HCN1: variants seen among roughly 807,000 people sequenced by gnomAD.
HCN1 encodes potassium/sodium hyperpolarization-activated cyclic nucleotide-gated channel 1.
Under a neutral mutation model 78.9 loss-of-function variants are expected in HCN1, and 13 were observed. That is an observed-to-expected ratio of 0.16 (90% CI 0.11 to 0.26). The LOEUF is 0.26. Ranked by LOEUF, HCN1 falls within the 10% of genes least tolerant of loss-of-function variation. HCN1 has a pLI of 1.00. For missense variants in HCN1, 810 were observed against 1,154.3 expected, an observed-to-expected ratio of 0.70 and a Z score of 4.32; for synonymous variants, 552 against 455.5, an observed-to-expected ratio of 1.21 and a Z score of -2.70.
chr5:45,489,086 G>A (rs544236844), intron 2 of HCN1, among the ~76,000 whole-genome samples: 11 of 152,276 alleles, frequency 7.2e-5, no homozygotes, highest in African/African-American at 1.7e-4. Context: ...GCAGGGAATC[G>A]TTAACTTGGA....
chr5:45,442,637 C>T (rs1347050734), intron 3 of HCN1, among the ~76,000 whole-genome samples: 3 of 151,798 alleles, frequency 2.0e-5, no homozygotes, highest in Admixed American at 2.0e-4. Context: ...CAATAAAAAA[C>T]ATCTGAATAT....
chr5:45,631,411 T>C (rs1229186454), intron 2 of HCN1, among the ~76,000 whole-genome samples: 2 of 152,130 alleles, frequency 1.3e-5, no homozygotes, highest in East Asian at 1.9e-4. Context: ...GTGGTCATGA[T>C]GGAGCTGCTT....
At position 45,353,106 on chromosome 5, in the gene HCN1, C is replaced by G. The variant is rs561869170; in HGVS notation, c.1371G>C (p.Leu457=). The change falls in exon 5 of 8, where the codon CTG becomes CTC. Residue 457 remains leucine, a synonymous_variant. Coordinates refer to ENST00000303230, the MANE Select transcript of HCN1 (RefSeq NM_021072.4). ...TGAGGACAATAAATCTTACCTCTCTCAGAGGATCATTGAGTTCATTGAGAA... is the reference window on the plus strand; with the variant it reads ...TGAGGACAATAAATCTTACCTCTCTGAGAGGATCATTGAGTTCATTGAGAA... The part of the protein sequence containing the change: ...ENILNELNDP[L]REEIVNFNCR... 1 of 1,610,278 alleles carries G rather than the reference C, an allele frequency of 6.2e-7. No homozygotes were observed. Among genetic ancestry groups the G allele is most frequent in the South Asian group, 1.1e-5 (1 of 90,982 alleles).
intron 2 of HCN1, among the ~76,000 whole-genome samples, chr5:45,636,929 T>C (rs901135352): frequency 2.0e-5 from 3 of 152,198 alleles, no homozygotes; most frequent in Non-Finnish European, 4.4e-5. Context: ...CAAACTCATT[T>C]TGAGATTTTT....
At chr5:45,497,349 A>G (rs989034033) in intron 2 of HCN1, among the ~76,000 whole-genome samples, 1 of 152,156 alleles carries the variant, frequency 6.6e-6, no homozygotes, top group Non-Finnish European at 1.5e-5. Context: ...GATTCTTTGC[A>G]GGTCACTCAG....
chr5:45,661,305 G>C (rs1375117265), intron 1 of HCN1, among the ~76,000 whole-genome samples: 1 of 136,940 alleles, frequency 7.3e-6, no homozygotes, highest in East Asian at 2.3e-4. Context: ...ATTCAAAGCA[G>C]TGTGTAGAGG....
chr5:45,437,448 G>A (rs931309260), intron 3 of HCN1, among the ~76,000 whole-genome samples: 8 of 152,020 alleles, frequency 5.3e-5, no homozygotes, highest in African/African-American at 1.2e-4. Flanking sequence ...CCAAATAACC[G>A]CTAATTATAA....
intron 2 of HCN1, among the ~76,000 whole-genome samples, chr5:45,496,895 A>T (rs576951670): frequency 6.6e-6 from 1 of 152,162 alleles, no homozygotes; most frequent in Non-Finnish European, 1.5e-5. Context: ...AGATTCTGGT[A>T]TACTCTGTCT....
chr5:45,319,177 A>C (rs904864536), intron 5 of HCN1, among the ~76,000 whole-genome samples: 2 of 151,996 alleles, frequency 1.3e-5, no homozygotes, highest in African/African-American at 4.8e-5. Flanking sequence ...ACATTCTTGA[A>C]GCATCTTATG....
intron 6 of HCN1, among the ~76,000 whole-genome samples, chr5:45,277,982 G>C (rs137974767): frequency 1.3e-3 from 193 of 152,254 alleles, no homozygotes; most frequent in African/African-American, 4.6e-3. Flanking sequence ...TTGCCATAAA[G>C]TCTGCCTCTA....
chr5:45,349,879 T>A (rs535030469), intron 5 of HCN1, among the ~76,000 whole-genome samples: 1 of 152,218 alleles, frequency 6.6e-6, no homozygotes, highest in East Asian at 1.9e-4. Flanking sequence ...GTGGCAATAA[T>A]CAATAGCTTA....
chr5:45,334,015 A>T lies in HCN1; in HGVS notation c.1377+19085T>A, dbSNP rs148949928. On this transcript the variant is annotated intron_variant, in intron 5 of 7. Coordinates refer to ENST00000303230, the MANE Select transcript of HCN1 (RefSeq NM_021072.4). ...TCAGGGCTTCTTGAGTTCGGTTTCCAATTATCTTCATAATTTTAGTTTGAG... is the reference window on the plus strand; with the variant it reads ...TCAGGGCTTCTTGAGTTCGGTTTCCTATTATCTTCATAATTTTAGTTTGAG... 5.7e-4 allele frequency among the ~76,000 whole-genome samples: 87 copies of T among 151,870 alleles called. 1 individual carries two copies. The East Asian group carries it at 0.014, about 25-fold the overall frequency.
At chr5:45,374,088 AT>A (rs1386993098) in intron 4 of HCN1, among the ~76,000 whole-genome samples, 35 of 55,708 alleles carry the variant, frequency 6.3e-4, no homozygotes, top group Non-Finnish European at 8.8e-4. Context: ...TCTATTACAT[AT>A]ATGTATATAA....
intron 4 of HCN1, among the ~76,000 whole-genome samples, chr5:45,392,992 A>G (rs1579864918): frequency 6.6e-6 from 1 of 152,128 alleles, no homozygotes; most frequent in Non-Finnish European, 1.5e-5. Context: ...GTGCCCTGCC[A>G]TTAGAAAGCA....
intron 6 of HCN1, among the ~76,000 whole-genome samples, chr5:45,296,635 T>A (rs1022063419): frequency 6.6e-6 from 1 of 151,752 alleles, no homozygotes; most frequent in African/African-American, 2.4e-5. Context: ...TAGAAATCAA[T>A]AAAAATGAAA....
At chr5:45,467,819 A>G (rs1455305320) in intron 2 of HCN1, among the ~76,000 whole-genome samples, 3 of 152,098 alleles carry the variant, frequency 2.0e-5, no homozygotes, top group African/African-American at 7.2e-5. Context: ...AAACAATAAA[A>G]TCTCTCAATT....
intron 3 of HCN1, among the ~76,000 whole-genome samples, chr5:45,404,258 G>T (rs1407344415): frequency 2.0e-5 from 3 of 151,976 alleles, no homozygotes; most frequent in Admixed American, 2.0e-4. Context: ...GATATTATAT[G>T]CGAATGGGAG....
intron 4 of HCN1, among the ~76,000 whole-genome samples, chr5:45,364,703 C>T (rs1396242831): frequency 2.6e-5 from 4 of 152,022 alleles, no homozygotes; most frequent in Non-Finnish European, 5.9e-5. Context: ...ATTTTTAATG[C>T]CACTTTCTCT....
At chr5:45,310,784 C>A (rs1745835447) in intron 5 of HCN1, among the ~76,000 whole-genome samples, 1 of 152,060 alleles carries the variant, frequency 6.6e-6, no homozygotes, top group African/African-American at 2.4e-5. Context: ...CAATGAATGA[C>A]TGGATAAAGA....
Sources: gnomAD v4.1 joint callset for allele counts (sites outside exome capture counted in the v4.1 genomes callset) on GRCh38, gnomAD v4.1.1 for gene constraint, MANE v1.5 for transcripts, NCBI Gene and HGNC (gene_info 2026-07-23, HGNC 2026-07-21) for gene names.